The following PDE1A variants were observed in gnomAD, a reference collection of about 807,000 sequenced individuals.
PDE1A encodes phosphodiesterase 1A.
Under a neutral mutation model 61.7 loss-of-function variants are expected in PDE1A, and 35 were observed. That is an observed-to-expected ratio of 0.57 (90% CI 0.43 to 0.75). The LOEUF (loss-of-function observed/expected upper bound fraction) is 0.75, where lower values mean the gene tolerates loss of function less well. Ranked by LOEUF, PDE1A falls within the 30% of genes least tolerant of loss-of-function variation. The probability of loss-of-function intolerance (pLI) is 0.00; values close to 1 mark genes in which losing one functional copy is unlikely to be tolerated. For synonymous variants in PDE1A, 232 were observed against 213.2 expected, an observed-to-expected ratio of 1.09 and a Z score of -0.77; for missense variants, 597 against 630.6, an observed-to-expected ratio of 0.95 and a Z score of 0.57.
At chr2:182,700,814 G>A in the PDE1A span, among the ~76,000 whole-genome samples, 9 of 151,538 alleles carry the variant, frequency 5.9e-5, no homozygotes, top group African/African-American at 2.2e-4. Flanking sequence ...CTACTTGGGA[G>A]GCTGAGGAGA....
At chr2:182,252,174 G>C (rs1691449089) in intron 2 of PDE1A, among the ~76,000 whole-genome samples, 1 of 152,118 alleles carries the variant, frequency 6.6e-6, no homozygotes, top group Non-Finnish European at 1.5e-5. Flanking sequence ...AAATATTCAA[G>C]TATTTGCACT....
At chr2:182,612,063 A>G in the PDE1A span, among the ~76,000 whole-genome samples, 5 of 152,256 alleles carry the variant, frequency 3.3e-5, no homozygotes, top group African/African-American at 1.2e-4. Context: ...TTTGCAGCAC[A>G]AAGGACTCCA....
the PDE1A span, among the ~76,000 whole-genome samples, chr2:182,667,493 A>G: frequency 6.6e-6 from 1 of 152,154 alleles, no homozygotes. Flanking sequence ...TGTTCCCCTC[A>G]CTAATGTGTT....
the PDE1A span, among the ~76,000 whole-genome samples, chr2:182,601,778 G>A: frequency 6.6e-6 from 1 of 152,202 alleles, no homozygotes; most frequent in Non-Finnish European, 1.5e-5. Context: ...GCTCTTAGCA[G>A]AGTAGAGACC....
chr2:182,294,170 T>G (rs1694722329), intron 1 of PDE1A, among the ~76,000 whole-genome samples: 1 of 152,198 alleles, frequency 6.6e-6, no homozygotes, highest in East Asian at 1.9e-4. Flanking sequence ...ATTTAGTATT[T>G]TTGGAGAGCA....
chr2:182,175,031 G>T (rs963011813), intron 13 of PDE1A, among the ~76,000 whole-genome samples: 2 of 152,062 alleles, frequency 1.3e-5, no homozygotes, highest in South Asian at 2.1e-4. Context: ...TGCTGAGAAT[G>T]ATGGTTTCCA....
chr2:182,348,205 AGCCAGTATGG>A (rs1169017519), intron 1 of PDE1A, among the ~76,000 whole-genome samples: 5 of 152,194 alleles, frequency 3.3e-5, no homozygotes, highest in Non-Finnish European at 5.9e-5. Flanking sequence ...GTCTTTAATA[AGCCAGTATGG>A]GCAAAGGAAA....
intron 13 of PDE1A, among the ~76,000 whole-genome samples, chr2:182,175,440 G>A (rs77849360): frequency 6.7e-5 from 10 of 149,974 alleles, no homozygotes; most frequent in Admixed American, 4.0e-4. Context: ...GCCAGTGATG[G>A]TGAGCATTTT....
At chr2:182,339,596 T>C (rs1210863447) in intron 1 of PDE1A, among the ~76,000 whole-genome samples, 1 of 152,214 alleles carries the variant, frequency 6.6e-6, no homozygotes, top group Non-Finnish European at 1.5e-5. Context: ...AAAAATGGCC[T>C]GAGTTCTACA....
intron 7 of PDE1A, among the ~76,000 whole-genome samples, chr2:182,208,804 G>T (rs1486422435): frequency 6.6e-6 from 1 of 152,210 alleles, no homozygotes; most frequent in Non-Finnish European, 1.5e-5. Context: ...AGACTTGCAT[G>T]GGGCCTACAG....
intron 1 of PDE1A, among the ~76,000 whole-genome samples, chr2:182,357,298 CAA>C (rs991813598): frequency 1.3e-5 from 2 of 150,102 alleles, no homozygotes; most frequent in African/African-American, 4.9e-5. Flanking sequence ...AACAAACAAA[CAA>C]AGAGAGAAAT....
At chr2:182,702,960 C>G in the PDE1A span, among the ~76,000 whole-genome samples, 1 of 152,172 alleles carries the variant, frequency 6.6e-6, no homozygotes, top group South Asian at 2.1e-4. Context: ...ACACAAAGTA[C>G]TTTCTGAAAG....
chr2:182,255,037 T>C (rs1003846440), intron 2 of PDE1A, among the ~76,000 whole-genome samples: 13 of 152,130 alleles, frequency 8.5e-5, no homozygotes, highest in African/African-American at 3.1e-4. Context: ...AGAAAACTTT[T>C]CTCATTCCTG....
At chr2:182,613,460 G>A in the PDE1A span, among the ~76,000 whole-genome samples, 4 of 151,920 alleles carry the variant, frequency 2.6e-5, no homozygotes, top group African/African-American at 9.7e-5. Flanking sequence ...CTACTTCGGA[G>A]GCTGAGGCAG....
chr2:182,434,615 G>A (rs1167028415), intron 2 of PDE1A, among the ~76,000 whole-genome samples: 1 of 151,728 alleles, frequency 6.6e-6, no homozygotes, highest in African/African-American at 2.4e-5. Context: ...CCTCTTAAAA[G>A]TCCCCACCTC....
At chr2:182,150,523 C>A (rs1177657907) in intron 13 of PDE1A, among the ~76,000 whole-genome samples, 1 of 152,134 alleles carries the variant, frequency 6.6e-6, no homozygotes, top group African/African-American at 2.4e-5. Flanking sequence ...AAAGAAATTG[C>A]ATATAAACTT....
chr2:182,566,347 A>G, the PDE1A span, among the ~76,000 whole-genome samples: 1 of 152,100 alleles, frequency 6.6e-6, no homozygotes, highest in African/African-American at 2.4e-5. Flanking sequence ...TATTTCATAT[A>G]AAACTGGTAA....
intron 1 of PDE1A, among the ~76,000 whole-genome samples, chr2:182,274,385 G>A (rs985781389): frequency 1.3e-5 from 2 of 152,016 alleles, no homozygotes; most frequent in Non-Finnish European, 2.9e-5. Flanking sequence ...AAGTCAACAT[G>A]ATATTTTTCC....
chr2:182,425,225 C>T (rs1219388874), intron 1 of PDE1A, among the ~76,000 whole-genome samples: 1 of 152,152 alleles, frequency 6.6e-6, no homozygotes, highest in African/African-American at 2.4e-5. Context: ...GCTGTGGGTG[C>T]CCTCTGTGAG....
Sources: allele counts gnomAD v4.1 joint callset (sites outside exome capture counted in the v4.1 genomes callset), GRCh38; gene constraint gnomAD v4.1.1; transcripts MANE v1.5; gene names NCBI Gene and HGNC (gene_info 2026-07-23, HGNC 2026-07-21).